AIG1: variants seen among roughly 807,000 people sequenced by gnomAD.
AIG1 encodes the protein androgen-induced gene 1 protein.
Under a neutral mutation model 31.4 loss-of-function variants are expected in AIG1, and 23 were observed. The observed-to-expected ratio is 0.73, with a 90% CI of 0.53 to 1.04. The LOEUF (loss-of-function observed/expected upper bound fraction) is 1.04, where lower values mean the gene tolerates loss of function less well. Ranked by LOEUF, AIG1 falls within the 50% of genes least tolerant of loss-of-function variation. The probability of loss-of-function intolerance (pLI) is 0.00; values close to 1 mark genes in which losing one functional copy is unlikely to be tolerated. For missense variants in AIG1, 274 were observed against 295.0 expected, an observed-to-expected ratio of 0.93 and a Z score of 0.52; for synonymous variants, 100 against 110.5, an observed-to-expected ratio of 0.90 and a Z score of 0.60.
At position 143,299,585 on chromosome 6, in the gene AIG1, T is replaced by C. The variant is rs1297051380; in HGVS notation, c.515+15360T>C. The C allele has an allele frequency of 1.3e-5, 2 of 152,240 alleles. No homozygotes were observed. The highest frequency in any genetic ancestry group is 2.9e-5 in the Non-Finnish European group (2 of 68,042). The allele number at this position is 152,240 out of a possible 1,614,324, so 9.4% of individuals were successfully genotyped here. On this transcript the variant is annotated intron_variant, in intron 4 of 5. Transcript: ENST00000357847. The surrounding 1 kb of genome is among the most constrained non-coding windows in gnomAD (Gnocchi z 4.1). ...AGTTTGAAGTTATGAAATACCCATA[T>C]GCTTAAAGAGAGAAATGAGTAGCAG...
intron 3 of AIG1, among the ~76,000 whole-genome samples, chr6:143,183,807 G>C (rs533432721): frequency 5.8e-4 from 88 of 152,214 alleles, no homozygotes; most frequent in African/African-American, 2.1e-3. Flanking sequence ...TTTGCCCTTA[G>C]GTCTTTATGT....
intron 2 of AIG1, 69 bp from the exon 3 acceptor site, chr6:143,165,013 G>A: frequency 8.2e-7 from 1 of 1,220,852 alleles, no homozygotes; most frequent in Non-Finnish European, 1.2e-6. Context: ...TTCAACTATT[G>A]TTAACCAATA....
intron 3 of AIG1, among the ~76,000 whole-genome samples, chr6:143,241,626 CATT>C (rs1345527560): frequency 6.6e-6 from 1 of 152,192 alleles, no homozygotes; most frequent in African/African-American, 2.4e-5. Flanking sequence ...AACATCAACT[CATT>C]ATAATACTCA....
intron 4 of AIG1, among the ~76,000 whole-genome samples, chr6:143,300,489 G>T (rs1176618649): frequency 6.6e-6 from 1 of 152,144 alleles, no homozygotes; most frequent in Non-Finnish European, 1.5e-5. Flanking sequence ...TACCAGCCAG[G>T]ATTCCCAGTG....
At position 143,272,163 on chromosome 6, in the gene AIG1, G is replaced by T. The variant is rs140330747; in HGVS notation, c.400-11947G>T. 7.2e-5 allele frequency among the ~76,000 whole-genome samples: 11 copies of T among 152,166 alleles called. No individual in the cohort carries two copies. The East Asian group carries it at 1.5e-3, about 21-fold the overall frequency. On this transcript the variant is annotated intron_variant, in intron 3 of 5. Transcript: ENST00000357847. ...ATAGATCTCAGTATAGTCATTGAGT[G>T]CCATCATGTAGGTATGCAGTGGGAA... is the stretch of plus-strand genomic sequence containing the variant.
Position 143,327,226 on chromosome 6 carries a change from T to C in AIG1, c.516-6056T>C, listed in dbSNP as rs759074500. On this transcript the variant is annotated intron_variant, in intron 4 of 5. Transcript: ENST00000357847. The surrounding 1 kb of genome is among the most constrained non-coding windows in gnomAD (Gnocchi z 5.3). ...GGGTAACCTTGATAAGACAAGCTAATGGATTGGACAATCGCTACACTCTTC... is the reference window on the plus strand; with the variant it reads ...GGGTAACCTTGATAAGACAAGCTAACGGATTGGACAATCGCTACACTCTTC... 22 of 176,830 alleles carry C rather than the reference T, an allele frequency of 1.2e-4. No individual in the cohort carries two copies. Among genetic ancestry groups the C allele is most frequent in the Non-Finnish European group, 1.8e-4 (15 of 84,868 alleles). 11.0% of individuals were successfully genotyped at this position (176,830 alleles called of 1,614,324 possible).
At chr6:143,124,525 C>T (rs1168856208) in intron 1 of AIG1, among the ~76,000 whole-genome samples, 1 of 152,242 alleles carries the variant, frequency 6.6e-6, no homozygotes. Flanking sequence ...GGGAAGGCTG[C>T]TTCCTGCTTG....
In AIG1 at chr6:143,128,346, C is replaced by G. The variant is rs186114028; in HGVS notation, c.142-8489C>G. On this transcript the variant is annotated intron_variant, in intron 1 of 5. Coordinates refer to ENST00000357847, the MANE Select transcript of AIG1 (RefSeq NM_016108.4). ...GAAAAAAGATGGAGAAGGAATTAAACAGTAGAGAAGATTTTAGAGAAATGA... is the reference window on the plus strand; with the variant it reads ...GAAAAAAGATGGAGAAGGAATTAAAGAGTAGAGAAGATTTTAGAGAAATGA... 2.0e-5 allele frequency among the ~76,000 whole-genome samples: 3 copies of G among 152,214 alleles called. No homozygotes were observed. In the East Asian group the frequency reaches 5.8e-4, roughly 29 times the overall value.
At chr6:143,309,910 C>G (rs1311470969) in intron 4 of AIG1, among the ~76,000 whole-genome samples, 1 of 151,850 alleles carries the variant, frequency 6.6e-6, no homozygotes, top group South Asian at 2.1e-4. Context: ...AACAGGAGTA[C>G]TACATAATAA....
Position 143,325,319 on chromosome 6 carries a change from C to G in AIG1, c.516-7963C>G, listed in dbSNP as rs1232689908. Among the ~76,000 whole-genome samples the G allele has an allele frequency of 6.6e-6, 1 of 152,232 alleles. No homozygotes were observed. The highest frequency in any genetic ancestry group is 2.4e-5 in the African/African-American group (1 of 41,462). ...TTCATGGGCCCACTTCCTTCAGACC[C>G]TGTACTCTTCCTGGGTCTCAGTCTG... On this transcript the variant is annotated intron_variant, in intron 4 of 5. Coordinates refer to ENST00000357847, the MANE Select transcript of AIG1 (RefSeq NM_016108.4). The surrounding 1 kb of genome is among the most constrained non-coding windows in gnomAD (Gnocchi z 4.3).
chr6:143,272,875 G>A (rs113106441), intron 3 of AIG1, among the ~76,000 whole-genome samples: 10,615 of 152,212 alleles, frequency 0.07, 1,161 homozygotes, highest in African/African-American at 0.24. Flanking sequence ...TCATGCCTGT[G>A]ATCCCAGCAC....
At chr6:143,336,611 G>A (rs998064801) in intron 5 of AIG1, among the ~76,000 whole-genome samples, 12 of 152,146 alleles carry the variant, frequency 7.9e-5, no homozygotes, top group African/African-American at 2.2e-4. Context: ...ATTTGGAAGT[G>A]GGGGACAGAG....
chr6:143,198,814 G>C (rs896142066), intron 3 of AIG1, among the ~76,000 whole-genome samples: 9 of 152,334 alleles, frequency 5.9e-5, no homozygotes, highest in Admixed American at 2.0e-4. Context: ...AAAAGTTGCA[G>C]GGTTGCACGG....
At position 143,293,324 on chromosome 6, in the gene AIG1, T is replaced by C. The variant is rs1562564186; in HGVS notation, c.515+9099T>C. ...AACCTATTGAGAAAGTTAAAGAGTTTTCTGAAATTTTCTTATGGTTCATAT... is the reference window on the plus strand; with the variant it reads ...AACCTATTGAGAAAGTTAAAGAGTTCTCTGAAATTTTCTTATGGTTCATAT... On this transcript the variant is annotated intron_variant, in intron 4 of 5. Transcript: ENST00000357847. This position sits in a 1 kb window ranked among gnomAD's most constrained non-coding sequence, Gnocchi z 4.8. Among the ~76,000 whole-genome samples, 1 of 152,226 alleles carries C rather than the reference T, an allele frequency of 6.6e-6. No individual in the cohort carries two copies. The highest frequency in any genetic ancestry group is 1.5e-5 in the Non-Finnish European group (1 of 68,046).
intron 1 of AIG1, among the ~76,000 whole-genome samples, chr6:143,106,539 C>T (rs1249491954): frequency 6.6e-6 from 1 of 152,118 alleles, no homozygotes; most frequent in Non-Finnish European, 1.5e-5. Context: ...ATACAGCAGT[C>T]CTGGTACACT....
intron 1 of AIG1, among the ~76,000 whole-genome samples, chr6:143,097,020 A>G (rs931131134): frequency 5.3e-5 from 8 of 152,208 alleles, no homozygotes; most frequent in Non-Finnish European, 1.2e-4. Flanking sequence ...GTGAACCAAT[A>G]TCTGGTTACC....
At chr6:143,172,829 C>G (rs189404950) in intron 3 of AIG1, among the ~76,000 whole-genome samples, 1 of 152,186 alleles carries the variant, frequency 6.6e-6, no homozygotes, top group East Asian at 1.9e-4. Flanking sequence ...TCCATCTCCT[C>G]TAGGTTTTCT....
At chr6:143,142,600 T>C (rs1432987790) in intron 2 of AIG1, among the ~76,000 whole-genome samples, 1 of 152,188 alleles carries the variant, frequency 6.6e-6, no homozygotes, top group East Asian at 1.9e-4. Flanking sequence ...AGTTCTAACC[T>C]GGGATGGGTG....
At chr6:143,127,684 T>A (rs1782811034) in intron 1 of AIG1, among the ~76,000 whole-genome samples, 1 of 151,966 alleles carries the variant, frequency 6.6e-6, no homozygotes, top group Non-Finnish European at 1.5e-5. Flanking sequence ...TTTTTGGTGC[T>A]GACCTTTCTT....
Sources: gnomAD v4.1 joint callset for allele counts (sites outside exome capture counted in the v4.1 genomes callset) on GRCh38, gnomAD v4.1.1 for gene constraint, Gnocchi (gnomAD v3.1) non-coding constraint, MANE v1.5 for transcripts, NCBI Gene and HGNC (gene_info 2026-07-23, HGNC 2026-07-21) for gene names.